Variants in KCNN2 observed in about 807,000 individuals in gnomAD.
The protein encoded by KCNN2 is potassium calcium-activated channel subfamily N member 2.
Under a neutral mutation model 55.5 loss-of-function variants are expected in KCNN2, and 24 were observed. The observed-to-expected ratio is 0.43, with a 90% CI of 0.31 to 0.61. The LOEUF (loss-of-function observed/expected upper bound fraction) is 0.61. KCNN2 is among the 20% of genes least tolerant of loss of function. KCNN2 has a pLI of 0.08. For synonymous variants in KCNN2, 431 were observed against 336.1 expected (o/e 1.28, Z -3.09); for missense variants, 754 against 853.6 (o/e 0.88, Z 1.45).
At chr5:114,222,003 C>A (rs1754148732) in intron 2 of KCNN2, among the ~76,000 whole-genome samples, 1 of 152,052 alleles carries the variant, frequency 6.6e-6, no homozygotes, top group African/African-American at 2.4e-5. Context: ...ACTAATTCAC[C>A]AAGAAGTTGA....
At chr5:114,210,412 A>G (rs931647485) in intron 1 of KCNN2, among the ~76,000 whole-genome samples, 29 of 152,288 alleles carry the variant, frequency 1.9e-4, no homozygotes, top group African/African-American at 7.0e-4. Flanking sequence ...CCCTAGAAGC[A>G]GTGCTTCAGT....
intron 2 of KCNN2, among the ~76,000 whole-genome samples, chr5:114,372,558 C>T (rs1470130605): frequency 6.6e-6 from 1 of 152,040 alleles, no homozygotes; most frequent in African/African-American, 2.4e-5. Flanking sequence ...GCTTTATGAC[C>T]TAATCCCTTT....
At chr5:114,233,602 G>A (rs1754406505) in intron 2 of KCNN2, among the ~76,000 whole-genome samples, 1 of 151,958 alleles carries the variant, frequency 6.6e-6, no homozygotes, top group Admixed American at 6.6e-5. Context: ...TCTTTTTCCT[G>A]AACAGATATA....
intron 3 of KCNN2, among the ~76,000 whole-genome samples, chr5:114,446,448 C>T (rs887721503): frequency 1.3e-4 from 20 of 152,212 alleles, no homozygotes; most frequent in African/African-American, 2.6e-4. Flanking sequence ...TAACATCATA[C>T]GGCTATTTAA....
At chr5:114,210,096 T>G (rs1187443378) in intron 1 of KCNN2, among the ~76,000 whole-genome samples, 1 of 152,202 alleles carries the variant, frequency 6.6e-6, no homozygotes, top group Non-Finnish European at 1.5e-5. Flanking sequence ...ACAGGATGGT[T>G]AGTAGCATAG....
At chr5:114,441,390 C>T (rs946136891) in intron 3 of KCNN2, among the ~76,000 whole-genome samples, 2 of 152,102 alleles carry the variant, frequency 1.3e-5, no homozygotes, top group African/African-American at 2.4e-5. Flanking sequence ...CCTTCCAGCA[C>T]GCATAGACTG....
intron 1 of KCNN2, among the ~76,000 whole-genome samples, chr5:114,139,137 A>C (rs762172100): frequency 1.3e-5 from 2 of 152,182 alleles, no homozygotes; most frequent in Non-Finnish European, 2.9e-5. Flanking sequence ...ATCCATTTAC[A>C]TGGCAACCTC....
intron 3 of KCNN2, among the ~76,000 whole-genome samples, chr5:114,446,835 G>A (rs73245984): frequency 0.017 from 2,546 of 152,106 alleles, 73 homozygotes; most frequent in African/African-American, 0.058. Context: ...CAGGGAGGTC[G>A]AAGTTGCAGT....
At chr5:114,292,671 G>A (rs200687925) in intron 2 of KCNN2, among the ~76,000 whole-genome samples, 16 of 152,054 alleles carry the variant, frequency 1.1e-4, no homozygotes, top group African/African-American at 2.4e-4. Context: ...ACTTGGTGAC[G>A]CGGGCTCTTT....
At chr5:114,486,661 A>G in intron 5 of KCNN2, 6 of 1,055,926 alleles carry the variant, frequency 5.7e-6, no homozygotes, top group Non-Finnish European at 7.6e-6. Context: ...AAAGGACAAG[A>G]TTAACCTTGG....
intron 4 of KCNN2, among the ~76,000 whole-genome samples, chr5:114,472,151 G>T (rs1183443224): frequency 6.6e-6 from 1 of 152,126 alleles, no homozygotes. Flanking sequence ...CTGCTGGGAG[G>T]TTGGCTGTGC....
intron 1 of KCNN2, among the ~76,000 whole-genome samples, chr5:114,062,747 CTT>C (rs1750359044): frequency 6.6e-6 from 1 of 152,146 alleles, no homozygotes. Context: ...GCATTAGTCT[CTT>C]CTTTCATGTA....
At chr5:114,110,180 T>G (rs1232621615) in intron 1 of KCNN2, among the ~76,000 whole-genome samples, 1 of 152,050 alleles carries the variant, frequency 6.6e-6, no homozygotes, top group Non-Finnish European at 1.5e-5. Flanking sequence ...CTTTTATAAA[T>G]TACCCAGTCT....
At chr5:114,357,569 G>A (rs1222813293), upstream of KCNN2, among the ~76,000 whole-genome samples, 4 of 125,722 alleles carry the variant, frequency 3.2e-5, no homozygotes, top group Non-Finnish European at 5.0e-5. Flanking sequence ...TTGTTCTTGC[G>A]ATAGTTTACT....
At chr5:114,416,174 A>G (rs1209005361) in intron 3 of KCNN2, among the ~76,000 whole-genome samples, 1 of 152,108 alleles carries the variant, frequency 6.6e-6, no homozygotes, top group Non-Finnish European at 1.5e-5. Flanking sequence ...GCTGCGAAAA[A>G]TGAAGCCCAG....
At chr5:114,126,780 C>G (rs569022293) in intron 1 of KCNN2, among the ~76,000 whole-genome samples, 3 of 152,284 alleles carry the variant, frequency 2.0e-5, no homozygotes, top group Admixed American at 6.5e-5. Flanking sequence ...CAAGGCAAGT[C>G]CCTTCCACCT....
intron 1 of KCNN2, among the ~76,000 whole-genome samples, chr5:114,114,768 C>T (rs1751678376): frequency 6.6e-6 from 1 of 152,094 alleles, no homozygotes; most frequent in African/African-American, 2.4e-5. Context: ...GTGTCCACTC[C>T]TGCCAAGCAT....
intron 1 of KCNN2, among the ~76,000 whole-genome samples, chr5:114,111,351 A>T (rs544249805): frequency 6.6e-6 from 1 of 152,330 alleles, no homozygotes; most frequent in African/African-American, 2.4e-5. Context: ...TAAAGACTTC[A>T]ATGTAATACC....
intron 6 of KCNN2, chr5:114,489,144 G>A (rs536047303): frequency 1.3e-5 from 2 of 152,096 alleles, no homozygotes; most frequent in Admixed American, 6.6e-5. Context: ...CATGTGCAGT[G>A]GGGATTTGTA....
Sources: gnomAD v4.1 joint callset for allele counts (sites outside exome capture counted in the v4.1 genomes callset) on GRCh38, gnomAD v4.1.1 for gene constraint, MANE v1.5 for transcripts, NCBI Gene and HGNC (gene_info 2026-07-23, HGNC 2026-07-21) for gene names.